FAM234B: variants seen among roughly 807,000 people sequenced by gnomAD.
FAM234B encodes the protein protein FAM234B.
Under a neutral mutation model 69.3 loss-of-function variants are expected in FAM234B, and 33 were observed. That is an observed-to-expected ratio of 0.48 (90% CI 0.36 to 0.64). FAM234B has a LOEUF of 0.64. Ranked by LOEUF, FAM234B falls within the 30% of genes least tolerant of loss-of-function variation. FAM234B has a pLI of 0.00. For missense variants in FAM234B, 697 were observed against 769.7 expected (o/e 0.91, Z 1.12); for synonymous variants, 306 against 306.9 (o/e 1.00, Z 0.03).
rs902046219 is a variant in FAM234B, at chr12:13,062,629, A to G, written c.722-216A>G. On this transcript the variant is annotated intron_variant, in intron 4 of 12. Coordinates refer to ENST00000197268, the MANE Select transcript of FAM234B (RefSeq NM_020853.2). ...TCTAAAAAAATCTAGGTGAGAAATCATTGCATGGATTTGTTTGCCAGATAC... is the reference window on the plus strand; with the variant it reads ...TCTAAAAAAATCTAGGTGAGAAATCGTTGCATGGATTTGTTTGCCAGATAC... 10 of 449,940 alleles carry G rather than the reference A, an allele frequency of 2.2e-5. No individual in the cohort carries two copies. In the East Asian group the frequency reaches 2.6e-4, roughly 12 times the overall value. The allele number at this position is 449,940 out of a possible 1,614,324, so 27.9% of individuals were successfully genotyped here. A position where few individuals can be genotyped will look rare whatever the true frequency, so the allele number is the denominator to read the frequency against.
intron 9 of FAM234B, 57 bp downstream of exon 9, chr12:13,068,768 C>T (rs745479020): frequency 8.5e-7 from 1 of 1,173,012 alleles, no homozygotes; most frequent in Non-Finnish European, 1.3e-6. Flanking sequence ...ACTTTGTGTC[C>T]AACCCTGTGT....
Position 13,062,881 on chromosome 12 carries a change from C to G in FAM234B, c.758C>G (p.Ser253Cys). The G allele has an allele frequency of 6.2e-7, 1 of 1,614,078 alleles. No homozygotes were observed. Residue 253 changes from serine (S) to cysteine (C), a missense_variant, in exon 5 of 13, where the codon TCC becomes TGC. By Grantham distance (112) the Ser-to-Cys change is moderately radical (BLOSUM62 -1). This residue lies in a region of FAM234B where 380 missense variants were observed against 447.1 expected (regional missense o/e 0.85). Transcript: ENST00000197268. ...TGGACTTTAAACCCAAACTACTTGT[C>G]CAACGGTACCTTGGCTGCCCCAGTT... ...AIWTLNPNYL[S>C]NGTLAAPVVV... is the part of the protein sequence containing the mutation.
In FAM234B at chr12:13,068,373, C is replaced by G. The variant is rs764685100; in HGVS notation, c.1212C>G (p.Thr404=). The G allele has an allele frequency of 1.5e-5, 24 of 1,614,198 alleles. No homozygotes were observed. The East Asian group carries it at 5.3e-4, about 36-fold the overall frequency. ...DSNCSNLLIT[T]RQSLVLLRGQ... is the part of the protein sequence containing the mutation. ...ACTGCAGCAACCTTCTGATTACAAC[C>G]AGACAAAGCCTTGTGCTGCTTCGGG... The change falls in exon 8 of 13, where the codon ACC becomes ACG. Residue 404 remains threonine, a synonymous_variant. Coordinates refer to ENST00000197268, the MANE Select transcript of FAM234B (RefSeq NM_020853.2).
rs780716831 is a variant in FAM234B at position 13,071,287 on chromosome 12, G to A, written c.1415G>A (p.Arg472His). 2.4e-5 allele frequency: 38 copies of A among 1,613,940 alleles called. No homozygotes were observed. Among genetic ancestry groups the A allele is most frequent in the Middle Eastern group, 1.6e-4 (1 of 6,082 alleles). The change falls in exon 10 of 13, where the codon CGT (arginine) becomes CAT (histidine). Residue 472 changes from arginine (R) to histidine (H), a missense_variant. Around this residue, in one of 3 missense-constraint regions of FAM234B, gnomAD observed 313 missense variants for 305.5 expected, o/e 1.02. Coordinates refer to ENST00000197268, the MANE Select transcript of FAM234B (RefSeq NM_020853.2). ...TCTGGCTCCATTGTTTGGAGTTACC[G>A]TGCTCCGTGTCACATGAAAGAAACG... is the stretch of plus-strand genomic sequence containing the variant. Reference protein sequence around the residue: ...GDSGSIVWSYRAPCHMKETPA... With the variant: ...GDSGSIVWSYHAPCHMKETPA...
At chr12:13,059,468 G>A (rs895129730) in intron 3 of FAM234B, among the ~76,000 whole-genome samples, 2 of 152,168 alleles carry the variant, frequency 1.3e-5, no homozygotes, top group East Asian at 1.9e-4. Context: ...CATGTCAGCT[G>A]TAGAAAAAGA....
intron 2 of FAM234B, among the ~76,000 whole-genome samples, chr12:13,057,952 G>A (rs1361693647): frequency 6.6e-6 from 1 of 152,216 alleles, no homozygotes; most frequent in African/African-American, 2.4e-5. Context: ...TCCACATTCA[G>A]CCTTTGCTAT....
intron 1 of FAM234B, among the ~76,000 whole-genome samples, chr12:13,049,459 C>T (rs1864851212): frequency 6.6e-6 from 1 of 152,300 alleles, no homozygotes; most frequent in South Asian, 2.1e-4. Flanking sequence ...GGATTACAGG[C>T]GTGAGCCAGC....
chr12:13,063,635 T>G (rs540725147), intron 5 of FAM234B, among the ~76,000 whole-genome samples: 1 of 152,360 alleles, frequency 6.6e-6, no homozygotes, highest in South Asian at 2.1e-4. Flanking sequence ...GGAACTTCAG[T>G]GTACTGGTTA....
At chr12:13,045,551 G>A (rs1337505343) in intron 1 of FAM234B, among the ~76,000 whole-genome samples, 1 of 152,124 alleles carries the variant, frequency 6.6e-6, no homozygotes, top group East Asian at 1.9e-4. Flanking sequence ...AGCGAACCTT[G>A]CCATTTGGAT....
rs1865047073 is a variant in FAM234B, at chr12:13,067,035, C to T, written c.1001-120C>T. 1 of 1,182,344 alleles carries T rather than the reference C, an allele frequency of 8.5e-7. No individual in the cohort carries two copies. The allele number at this position is 1,182,344 out of a possible 1,614,324, so 73.2% of individuals were successfully genotyped here. On this transcript the variant is annotated intron_variant, in intron 6 of 12. Transcript: ENST00000197268. This position sits in a 1 kb window ranked among gnomAD's most constrained non-coding sequence, Gnocchi z 4.7. ...ACCTCCCCACTTGTTCCGTGTTGTCCAGTCTGGGCGGGCTCTGTTAGACCC... is the reference window on the plus strand; with the variant it reads ...ACCTCCCCACTTGTTCCGTGTTGTCTAGTCTGGGCGGGCTCTGTTAGACCC...
At chr12:13,062,772 C>T in intron 4 of FAM234B, 73 bp from the exon 5 acceptor site, 1 of 1,542,694 alleles carries the variant, frequency 6.5e-7, no homozygotes, top group Non-Finnish European at 8.9e-7. Context: ...CTTTTCTGGC[C>T]TGGGAACATG....
rs147658178 is a variant in FAM234B at position 13,079,850 on chromosome 12, C to T, written c.1704C>T (p.Ser568=). Residue 568 remains serine (S), a synonymous_variant, in exon 12 of 13, where the codon TCC becomes TCT. Coordinates refer to ENST00000197268, the MANE Select transcript of FAM234B (RefSeq NM_020853.2). ...FYVTRTTGPS[S]EGHPAALVVS... is the part of the protein sequence containing the mutation. The stretch of plus-strand genomic sequence containing the variant: ...TTACCAGGACAACAGGGCCAAGCTC[C>T]GAAGGCCATCCAGCAGCCCTGGTGG... 8.1e-5 allele frequency: 131 copies of T among 1,613,916 alleles called. No homozygotes were observed. Among genetic ancestry groups the T allele is most frequent in the African/African-American group, 4.0e-5 (3 of 74,870 alleles).
At chr12:13,052,457 C>A (rs1020963862) in intron 1 of FAM234B, among the ~76,000 whole-genome samples, 1 of 151,888 alleles carries the variant, frequency 6.6e-6, no homozygotes. Flanking sequence ...TTTAAATTGT[C>A]AAAAAATACA....
chr12:13,053,486 G>A (rs1565506938), intron 1 of FAM234B, among the ~76,000 whole-genome samples: 2 of 152,094 alleles, frequency 1.3e-5, no homozygotes, highest in Admixed American at 6.5e-5. Context: ...CTGGGCCTCT[G>A]GGGGTAACAT....
chr12:13,055,528 T>C (rs1221209133), intron 1 of FAM234B, 23 bp from the exon 2 acceptor site: 8 of 1,562,520 alleles, frequency 5.1e-6, no homozygotes, highest in Non-Finnish European at 7.0e-6. Context: ...TCCCCTTGAC[T>C]CTCTGTTTTT....
chr12:13,077,422 C>G (rs1401621331), intron 11 of FAM234B, among the ~76,000 whole-genome samples: 1 of 118,984 alleles, frequency 8.4e-6, no homozygotes, highest in Non-Finnish European at 1.7e-5. Context: ...CCTCCCCCCT[C>G]CCCCCCACCC....
chr12:13,061,762 A>T lies in FAM234B; in HGVS notation c.720A>T (p.Ser240=). 6.2e-7 allele frequency: 1 copy of T among 1,612,734 alleles called. No homozygotes were observed. The highest frequency in any genetic ancestry group is 8.5e-7 in the Non-Finnish European group (1 of 1,179,226). ...HKMLSAFNAT[S]GKAIWTLNPN... ...TGCTCAGCGCATTCAATGCAACGTC[A>T]GGTAAATACCATTTACCACAAAAGA... is the stretch of plus-strand genomic sequence containing the variant. The change falls in exon 4 of 13, where the codon TCA becomes TCT. Residue 240 remains serine (S), a splice_region_variant and synonymous_variant. Coordinates refer to ENST00000197268, the MANE Select transcript of FAM234B (RefSeq NM_020853.2).
chr12:13,080,718 G>T lies in FAM234B; in HGVS notation c.*88G>T. Reference sequence around the variant, plus strand: ...CACTGTAAAATCAGTTCTATGGAGAGAAGACTTCTTCGTCCTCATTTACCA... The same window carrying T: ...CACTGTAAAATCAGTTCTATGGAGATAAGACTTCTTCGTCCTCATTTACCA... On this transcript the variant is annotated 3_prime_UTR_variant, in exon 13 of 13. Coordinates refer to ENST00000197268, the MANE Select transcript of FAM234B (RefSeq NM_020853.2). 8.5e-7 allele frequency: 1 copy of T among 1,174,210 alleles called. No individual in the cohort carries two copies. The highest frequency in any genetic ancestry group is 1.3e-6 in the Non-Finnish European group (1 of 794,242). The allele number at this position is 1,174,210 out of a possible 1,614,324, so 72.7% of individuals were successfully genotyped here.
Position 13,061,679 on chromosome 12 carries a change from G to A in FAM234B, c.637G>A (p.Glu213Lys), listed in dbSNP as rs1864984087. The change falls in exon 4 of 13, where the codon GAG (glutamate) becomes AAG (lysine). Residue 213 changes from glutamate to lysine, a missense_variant. Glu to Lys is a moderately conservative substitution (Grantham distance 56). This residue lies in a region of FAM234B where 380 missense variants were observed against 447.1 expected (regional missense o/e 0.85). Coordinates refer to ENST00000197268, the MANE Select transcript of FAM234B (RefSeq NM_020853.2). Reference protein sequence around the residue: ...PEEARDITCLELMPGSLAETI... With the variant: ...PEEARDITCLKLMPGSLAETI... ...GGAGGCTCGAGATATCACATGTTTG[G>A]AGCTGATGCCAGGAAGCTTGGCTGA... The A allele has an allele frequency of 6.2e-7, 1 of 1,613,982 alleles. No individual in the cohort carries two copies. Among genetic ancestry groups the A allele is most frequent in the African/African-American group, 1.3e-5 (1 of 74,896 alleles).
Sources: allele counts gnomAD v4.1 joint callset (sites outside exome capture counted in the v4.1 genomes callset), GRCh38; gene constraint gnomAD v4.1.1; regional missense constraint gnomAD v4.1.1; non-coding constraint Gnocchi (gnomAD v3.1); transcripts MANE v1.5; gene names NCBI Gene and HGNC (gene_info 2026-07-23, HGNC 2026-07-21).